Variants in RRBP1 observed in about 807,000 individuals in gnomAD.
The protein encoded by RRBP1 is ribosome-binding protein 1.
A neutral mutation model predicts 165.2 loss-of-function variants in RRBP1; 94 were observed. The observed-to-expected ratio is 0.57, with a 90% CI of 0.48 to 0.68. The LOEUF is 0.68. RRBP1 is among the 30% of genes least tolerant of loss of function. The probability of loss-of-function intolerance (pLI) is 0.00; values close to 1 mark genes in which losing one functional copy is unlikely to be tolerated. For synonymous variants in RRBP1, 680 were observed against 714.5 expected (o/e 0.95, Z 0.77); for missense variants, 1,676 against 1,763.0 (o/e 0.95, Z 0.88).
At chr20:17,644,838 T>A (rs998140825) in intron 3 of RRBP1, among the ~76,000 whole-genome samples, 1 of 152,256 alleles carries the variant, frequency 6.6e-6, no homozygotes, top group East Asian at 1.9e-4. Flanking sequence ...TATATATGGA[T>A]TGTATGTTGA....
At position 17,614,002 on chromosome 20, in the gene RRBP1, A is replaced by T. The variant is rs1410714323; in HGVS notation, c.*180T>A. On this transcript the variant is annotated 3_prime_UTR_variant, in exon 25 of 25. Coordinates refer to ENST00000377813, the MANE Select transcript of RRBP1 (RefSeq NM_001365613.2). ...TCAAATGTGACACAGGTTCATTTAC[A>T]AACTGGGGCTCTGGAAGGTCTACTT... is the stretch of plus-strand genomic sequence containing the variant. 2 of 635,082 alleles carry T rather than the reference A, an allele frequency of 3.1e-6. No individual in the cohort carries two copies. The highest frequency in any genetic ancestry group is 4.3e-4 in the Middle Eastern group (1 of 2,320). The allele number at this position is 635,082 out of a possible 1,614,324, so 39.3% of individuals were successfully genotyped here.
At chr20:17,633,328 C>A in intron 8 of RRBP1, 132 bp downstream of exon 8, 1 of 964,512 alleles carries the variant, frequency 1.0e-6, no homozygotes. Context: ...CCTGCAGACA[C>A]CATCATCTGT....
At chr20:17,628,759 C>T (rs1389477516) in intron 9 of RRBP1, among the ~76,000 whole-genome samples, 2 of 152,250 alleles carry the variant, frequency 1.3e-5, no homozygotes, top group African/African-American at 4.8e-5. Context: ...AGAGAGTCTC[C>T]AGGACCACGC....
At chr20:17,667,883 T>C (rs1195423382) in intron 2 of RRBP1, among the ~76,000 whole-genome samples, 1 of 152,216 alleles carries the variant, frequency 6.6e-6, no homozygotes, top group Non-Finnish European at 1.5e-5. Flanking sequence ...TACTTCACCT[T>C]CATGGATTAA....
Position 17,650,974 on chromosome 20 carries a change from G to A in RRBP1, c.1912+7622C>T, listed in dbSNP as rs182570529. 1.1e-3 allele frequency among the ~76,000 whole-genome samples: 173 copies of A among 152,310 alleles called. 2 individuals are homozygous for A. The highest frequency in any genetic ancestry group is 1.8e-3 in the Non-Finnish European group (120 of 68,026). On this transcript the variant is annotated intron_variant, in intron 3 of 24. Transcript: ENST00000377813. ...CTTTCCTAATAGACACTGTGCATAG[G>A]TGCTCAGTTAACTATCGGAGAACAA...
chr20:17,663,141 G>T (rs888161805), intron 2 of RRBP1, among the ~76,000 whole-genome samples: 1 of 152,200 alleles, frequency 6.6e-6, no homozygotes, highest in Admixed American at 6.5e-5. Flanking sequence ...TGCTCGAGGG[G>T]TGGTCTTTAC....
chr20:17,660,419 G>A lies in RRBP1; in HGVS notation c.89C>T (p.Thr30Ile). Residue 30 changes from threonine to isoleucine, a missense_variant, in exon 3 of 25, where the codon ACT becomes ATT. By Grantham distance (89) the Thr-to-Ile change is moderately conservative (BLOSUM62 -1). Transcript: ENST00000377813. ...ATATGACGTTTCCTTCATGGAGAAA[G>A]TCGACACCAGGAAGATGCCAATGGC... is the stretch of plus-strand genomic sequence containing the variant. ...VSAIGIFLVSTFSMKETSYEE... is the reference protein window; with the variant it reads ...VSAIGIFLVSIFSMKETSYEE... The A allele has an allele frequency of 6.2e-7, 1 of 1,614,092 alleles. No homozygotes were observed. The highest frequency in any genetic ancestry group is 8.5e-7 in the Non-Finnish European group (1 of 1,180,036).
intron 13 of RRBP1, 125 bp from the exon 14 acceptor site, chr20:17,622,072 A>G: frequency 1.4e-6 from 1 of 705,774 alleles, no homozygotes; most frequent in Non-Finnish European, 2.5e-6. Context: ...TCTTCAGGGA[A>G]GCGACAAGAA....
Position 17,658,848 on chromosome 20 carries a change from C to T in RRBP1, c.1660G>A (p.Ala554Thr). 2 of 1,613,968 alleles carry T rather than the reference C, an allele frequency of 1.2e-6. No individual in the cohort carries two copies. Among genetic ancestry groups the T allele is most frequent in the Non-Finnish European group, 1.7e-6 (2 of 1,179,902 alleles). ...CCCTCTACCTTTGTGCCCTGATTAGCAACCGAATCTGCCTTTTTGCCCTGG... is the reference window on the plus strand; with the variant it reads ...CCCTCTACCTTTGTGCCCTGATTAGTAACCGAATCTGCCTTTTTGCCCTGG... Reference protein sequence around the residue: ...PIQGKKADSVANQGTKVEGIT... With the variant: ...PIQGKKADSVTNQGTKVEGIT... Residue 554 changes from alanine (A) to threonine (T), a missense_variant, in exon 3 of 25, where the codon GCT becomes ACT. Physicochemically the swap from Ala to Thr is moderately conservative, Grantham distance 58. This residue lies in a region of RRBP1 where 1,184 missense variants were observed against 1,167.1 expected (regional missense o/e 1.01). Coordinates refer to ENST00000377813, the MANE Select transcript of RRBP1 (RefSeq NM_001365613.2).
At chr20:17,675,759 T>C (rs2122512901) in intron 2 of RRBP1, among the ~76,000 whole-genome samples, 1 of 152,250 alleles carries the variant, frequency 6.6e-6, no homozygotes, top group Middle Eastern at 3.4e-3. Flanking sequence ...GGAGTGAAGC[T>C]AGAGCGAAAG....
intron 8 of RRBP1, among the ~76,000 whole-genome samples, chr20:17,632,925 G>A (rs1311219859): frequency 6.6e-6 from 1 of 152,232 alleles, no homozygotes; most frequent in African/African-American, 2.4e-5. Context: ...ACACCCAGAA[G>A]CTGAGAAAGA....
rs549906004 is a variant in RRBP1, at chr20:17,641,204, G to A, written c.2184+593C>T. Among the ~76,000 whole-genome samples the A allele has an allele frequency of 6.6e-5, 10 of 152,314 alleles. No individual in the cohort carries two copies. In the South Asian group the frequency reaches 1.2e-3, roughly 19 times the overall value. On this transcript the variant is annotated intron_variant, in intron 5 of 24. Transcript: ENST00000377813. ...CCATGGATCCCAACACAATCTCAAC[G>A]TGCCATCAGCCCCGTCCTATGGCAG...
At chr20:17,641,718 C>T (rs951415352) in intron 5 of RRBP1, 79 bp downstream of exon 5, 94 of 1,557,906 alleles carry the variant, frequency 6.0e-5, no homozygotes, top group Middle Eastern at 2.3e-4. Context: ...TCTCGGAGCC[C>T]GGGATCCACC....
intron 13 of RRBP1, 26 bp downstream of exon 13, chr20:17,624,550 G>C (rs145099141): frequency 4.1e-6 from 6 of 1,480,456 alleles, no homozygotes; most frequent in South Asian, 1.2e-5. Context: ...TCCATGGTGG[G>C]GGTGTGAGTG....
At chr20:17,675,788 G>A (rs1319606834) in intron 2 of RRBP1, among the ~76,000 whole-genome samples, 1 of 152,236 alleles carries the variant, frequency 6.6e-6, no homozygotes, top group African/African-American at 2.4e-5. Flanking sequence ...GAGGCCACTG[G>A]AGACCTTGAC....
In RRBP1 at chr20:17,643,456, C is replaced by T. The variant is rs568936646; in HGVS notation, c.1913-329G>A. Among the ~76,000 whole-genome samples the T allele has an allele frequency of 6.6e-6, 1 of 152,116 alleles. No individual in the cohort carries two copies. The highest frequency in any genetic ancestry group is 1.9e-4 in the East Asian group (1 of 5,166). Reference sequence around the variant, plus strand: ...AAGCAAGGCGTACTTTTTCCATAGGCTTTTCTCCCTTCCTTTTTTTTCTCG... The same window carrying T: ...AAGCAAGGCGTACTTTTTCCATAGGTTTTTCTCCCTTCCTTTTTTTTCTCG... On this transcript the variant is annotated intron_variant, in intron 3 of 24. Coordinates refer to ENST00000377813, the MANE Select transcript of RRBP1 (RefSeq NM_001365613.2). The surrounding 1 kb of genome is among the most constrained non-coding windows in gnomAD (Gnocchi z 4.3).
At chr20:17,667,176 T>C (rs1270234184) in intron 2 of RRBP1, among the ~76,000 whole-genome samples, 5 of 152,226 alleles carry the variant, frequency 3.3e-5, no homozygotes, top group African/African-American at 1.2e-4. Context: ...TGTGTACAGG[T>C]AGGGTTTTCT....
intron 3 of RRBP1, among the ~76,000 whole-genome samples, chr20:17,648,869 G>A (rs2036509547): frequency 6.6e-6 from 1 of 152,206 alleles, no homozygotes; most frequent in Admixed American, 6.5e-5. Context: ...GGCCCAAGGA[G>A]AATACAGTTT....
Position 17,660,183 on chromosome 20 carries a change from G to GAGCCAC in RRBP1, c.319_324dup (p.Val107_Ala108dup). The GAGCCAC allele has an allele frequency of 2.5e-6, 4 of 1,613,926 alleles. No homozygotes were observed. The highest frequency in any genetic ancestry group is 3.4e-6 in the Non-Finnish European group (4 of 1,179,974). The stretch of plus-strand genomic sequence containing the variant: ...ATAATGGGGGGCTGCACTGGGGTTG[G>GAGCCAC]AGCCACAGCCACAGCAGGAGCCCGC... On this transcript the variant is annotated inframe_insertion, in exon 3 of 25. Transcript: ENST00000377813.
Sources: allele counts gnomAD v4.1 joint callset (sites outside exome capture counted in the v4.1 genomes callset), GRCh38; gene constraint gnomAD v4.1.1; regional missense constraint gnomAD v4.1.1; non-coding constraint Gnocchi (gnomAD v3.1); transcripts MANE v1.5; gene names NCBI Gene and HGNC (gene_info 2026-07-23, HGNC 2026-07-21).